Variants in RNF40 observed in about 807,000 individuals in gnomAD.
RNF40 encodes the protein E3 ubiquitin-protein ligase BRE1B.
In RNF40, 39 loss-of-function variants were observed where a neutral mutation model predicts 123.3. That is an observed-to-expected ratio of 0.32 (90% CI 0.24 to 0.41). The LOEUF is 0.41. Ranked by LOEUF, RNF40 falls within the 10% of genes least tolerant of loss-of-function variation. The probability of loss-of-function intolerance (pLI) is 1.00; values close to 1 mark genes in which losing one functional copy is unlikely to be tolerated. For missense variants in RNF40, 1,003 were observed against 1,319.9 expected (o/e 0.76, Z 3.72); for synonymous variants, 538 against 526.0 (o/e 1.02, Z -0.31).
intron 5 of RNF40, 95 bp downstream of exon 5, chr16:30,764,480 C>T (rs137876043): frequency 4.1e-4 from 454 of 1,108,572 alleles, no homozygotes; most frequent in Admixed American, 4.6e-4. Context: ...AGTCCAAGGG[C>T]GGCCAGAATT....
At chr16:30,762,114 C>G (rs1432437204), upstream of RNF40, 1 of 363,860 alleles carries the variant, frequency 2.7e-6, no homozygotes, top group Non-Finnish European at 5.0e-6. Flanking sequence ...GTGTCAGTTA[C>G]TATGGGAACT....
chr16:30,765,672 G>A (rs896761231), intron 8 of RNF40, among the ~76,000 whole-genome samples, 173 bp downstream of exon 8: 25 of 152,146 alleles, frequency 1.6e-4, no homozygotes, highest in Admixed American at 7.2e-4. Context: ...AACACTTAGT[G>A]CTAGGCACTA....
chr16:30,768,064 A>C lies in RNF40; in HGVS notation c.1552-39A>C. The C allele has an allele frequency of 6.2e-7, 1 of 1,613,986 alleles. No individual in the cohort carries two copies. Among genetic ancestry groups the C allele is most frequent in the Non-Finnish European group, 8.5e-7 (1 of 1,179,878 alleles). On this transcript the variant is annotated intron_variant, in intron 12 of 19. Transcript: ENST00000324685. This position sits in a 1 kb window ranked among gnomAD's most constrained non-coding sequence, Gnocchi z 4.1. ...AAGGTTTGGCTAGACTCCAGTGAAC[A>C]CCATCTGACTTCATCCCTCTTCCTC...
chr16:30,763,816 C>T (rs750761141), intron 4 of RNF40, among the ~76,000 whole-genome samples: 2 of 152,194 alleles, frequency 1.3e-5, no homozygotes, highest in Admixed American at 6.5e-5. Context: ...ATGTATTTGA[C>T]GCTTCCTAGA....
Position 30,774,174 on chromosome 16 carries a change from T to G in RNF40, c.*60T>G. ...CCCTGGGGGCTGTGCCCCCATCTCC[T>G]CCCCACCCCAGGTCTAGTGGCCCCA... On this transcript the variant is annotated 3_prime_UTR_variant, in exon 20 of 20. Transcript: ENST00000324685. 2 of 1,516,966 alleles carry G rather than the reference T, an allele frequency of 1.3e-6. No homozygotes were observed. Among genetic ancestry groups the G allele is most frequent in the Non-Finnish European group, 1.8e-6 (2 of 1,121,602 alleles). 94.0% of individuals were successfully genotyped at this position (1,516,966 alleles called of 1,614,324 possible).
intron 11 of RNF40, 163 bp from the exon 12 acceptor site, chr16:30,767,731 T>A: frequency 3.6e-6 from 3 of 834,572 alleles, no homozygotes; most frequent in Non-Finnish European, 5.5e-6. Context: ...TGAGTTTCCT[T>A]GAAGTCAGCA....
Position 30,776,199 on chromosome 16 carries a change from C to T in RNF40, c.*2085C>T, listed in dbSNP as rs1390782823. On this transcript the variant is annotated 3_prime_UTR_variant, in exon 20 of 20. Coordinates refer to ENST00000324685, the MANE Select transcript of RNF40 (RefSeq NM_014771.4). The stretch of plus-strand genomic sequence containing the variant: ...CTCTTGAGTAGATGCCAAGTAATTC[C>T]GCATCGTCTCTCTAGATATCTGCGC... 8 of 152,072 alleles carry T rather than the reference C, an allele frequency of 5.3e-5. No individual in the cohort carries two copies. Among genetic ancestry groups the T allele is most frequent in the South Asian group, 2.1e-4 (1 of 4,820 alleles). 9.4% of individuals were successfully genotyped at this position (152,072 alleles called of 1,614,324 possible). A position where few individuals can be genotyped will look rare whatever the true frequency, so the allele number is the denominator to read the frequency against.
chr16:30,768,587 C>T lies in RNF40; in HGVS notation c.1980-32C>T. On this transcript the variant is annotated intron_variant, in intron 13 of 19. Coordinates refer to ENST00000324685, the MANE Select transcript of RNF40 (RefSeq NM_014771.4). This position sits in a 1 kb window ranked among gnomAD's most constrained non-coding sequence, Gnocchi z 4.1. ...CTGCCAGGTGGCCTCCAGTCCCACT[C>T]ACTAAGACTTCCTCCTGTACCTTCT... The T allele has an allele frequency of 2.5e-6, 4 of 1,613,992 alleles. No individual in the cohort carries two copies. Among genetic ancestry groups the T allele is most frequent in the Non-Finnish European group, 3.4e-6 (4 of 1,179,878 alleles).
chr16:30,763,412 T>A lies in RNF40; in HGVS notation c.301-6T>A. ...TCATAACATTTTTGATGTTTTCTCC[T>A]TCCAGCTGGATGAAACTGTGGAAGC... On this transcript the variant is annotated splice_polypyrimidine_tract_variant and splice_region_variant and intron_variant, in intron 3 of 19. Coordinates refer to ENST00000324685, the MANE Select transcript of RNF40 (RefSeq NM_014771.4). 3 of 1,601,676 alleles carry A rather than the reference T, an allele frequency of 1.9e-6. No individual in the cohort carries two copies. The highest frequency in any genetic ancestry group is 2.6e-6 in the Non-Finnish European group (3 of 1,173,564).
Position 30,762,528 on chromosome 16 carries a change from G to A in RNF40, c.-18G>A. ...GACGCCCCTCAGGGGACCCTGCATC[G>A]CTCCAGCCGCCGCGGCCATGTCTGG... On this transcript the variant is annotated 5_prime_UTR_variant, in exon 2 of 20. Transcript: ENST00000324685. The A allele has an allele frequency of 6.3e-7, 1 of 1,577,672 alleles. No homozygotes were observed. Among genetic ancestry groups the A allele is most frequent in the Non-Finnish European group, 8.5e-7 (1 of 1,172,022 alleles).
upstream of RNF40, chr16:30,761,767 C>T: frequency 1.3e-6 from 2 of 1,508,046 alleles, no homozygotes; most frequent in Non-Finnish European, 1.8e-6. Flanking sequence ...TCTTCCGTGC[C>T]GCGAGGCGCC....
rs745376154 is a variant in RNF40, at chr16:30,771,879, A to C, written c.2633A>C (p.Glu878Ala). 6.2e-7 allele frequency: 1 copy of C among 1,608,632 alleles called. No individual in the cohort carries two copies. Among genetic ancestry groups the C allele is most frequent in the South Asian group, 1.1e-5 (1 of 90,574 alleles). ...QLAEDLKVQL[E>A]HVQTRLREIQ... ...GCCGAGGACCTGAAGGTGCAGCTGG[A>C]GCACGTGCAGACTCGGCTGCGGGAG... The change falls in exon 18 of 20, where the codon GAG becomes GCG. Residue 878 changes from glutamate (E) to alanine (A), a missense_variant. Coordinates refer to ENST00000324685, the MANE Select transcript of RNF40 (RefSeq NM_014771.4).
At chr16:30,769,423 C>T (rs893720544) in intron 16 of RNF40, 25 bp downstream of exon 16, 12 of 1,614,094 alleles carry the variant, frequency 7.4e-6, no homozygotes, top group African/African-American at 1.3e-5. Context: ...AGCTTGCAGA[C>T]TGGAGCTGGA....
chr16:30,769,158 C>A, intron 15 of RNF40, 28 bp from the exon 16 acceptor site: 1 of 1,611,410 alleles, frequency 6.2e-7, no homozygotes. Context: ...TTCCCACGTT[C>A]CATCTTGTCT....
At position 30,769,378 on chromosome 16, in the gene RNF40, G is replaced by A; in HGVS notation, c.2440G>A (p.Val814Ile). 6.2e-7 allele frequency: 1 copy of A among 1,614,232 alleles called. No homozygotes were observed. Among genetic ancestry groups the A allele is most frequent in the Non-Finnish European group, 8.5e-7 (1 of 1,180,042 alleles). Residue 814 changes from valine to isoleucine, a missense_variant, in exon 16 of 20, where the codon GTC (valine) becomes ATC (isoleucine). By Grantham distance (29) the Val-to-Ile change is conservative. This residue lies in a region of RNF40 where 121 missense variants were observed against 125.3 expected (regional missense o/e 0.97). Coordinates refer to ENST00000324685, the MANE Select transcript of RNF40 (RefSeq NM_014771.4). ...REEKDELGEQ[V>I]LGLKSQVDAQ... ...GGAGAAGGATGAGTTGGGCGAGCAG[G>A]TCCTTGGCCTCAAGTCCCAGGTATG...
chr16:30,766,909 T>C lies in RNF40; in HGVS notation c.1429+33T>C. 1 of 1,605,270 alleles carries C rather than the reference T, an allele frequency of 6.2e-7. No homozygotes were observed. Among genetic ancestry groups the C allele is most frequent in the Non-Finnish European group, 8.5e-7 (1 of 1,175,494 alleles). ...GTGAGGATAGGGCGGAGGTGGGGCCTTATCTGGGAGTGCTGGGCCCTGGTG... is the reference window on the plus strand; with the variant it reads ...GTGAGGATAGGGCGGAGGTGGGGCCCTATCTGGGAGTGCTGGGCCCTGGTG... On this transcript the variant is annotated intron_variant, in intron 11 of 19. Coordinates refer to ENST00000324685, the MANE Select transcript of RNF40 (RefSeq NM_014771.4). The surrounding 1 kb of genome is among the most constrained non-coding windows in gnomAD (Gnocchi z 5.4).
At chr16:30,770,360 T>C (rs1344022329) in intron 17 of RNF40, among the ~76,000 whole-genome samples, 1 of 151,936 alleles carries the variant, frequency 6.6e-6, no homozygotes, top group Non-Finnish European at 1.5e-5. Context: ...TCCACCCACA[T>C]TGGCCTCCCA....
At chr16:30,770,591 A>G (rs577046468) in intron 17 of RNF40, among the ~76,000 whole-genome samples, 3 of 152,342 alleles carry the variant, frequency 2.0e-5, no homozygotes, top group Admixed American at 2.0e-4. Context: ...ACATAGTTGT[A>G]TTAAATAGAA....
chr16:30,771,992 G>A lies in RNF40; in HGVS notation c.2727+19G>A. 6.3e-7 allele frequency: 1 copy of A among 1,586,320 alleles called. No individual in the cohort carries two copies. On this transcript the variant is annotated intron_variant, in intron 18 of 19. Transcript: ENST00000324685. ...GGCTCAGGTGTGTGCAGGGGTGAGG[G>A]GCCAGGCCAGGGTGGTCCACGGTCA...
Sources: gnomAD v4.1 joint callset for allele counts (sites outside exome capture counted in the v4.1 genomes callset) on GRCh38, gnomAD v4.1.1 for gene constraint, gnomAD v4.1.1 regional missense constraint, Gnocchi (gnomAD v3.1) non-coding constraint, MANE v1.5 for transcripts, NCBI Gene and HGNC (gene_info 2026-07-23, HGNC 2026-07-21) for gene names.